The following VPS13C variants were observed in gnomAD, a reference collection of about 807,000 sequenced individuals.
The protein encoded by VPS13C is intermembrane lipid transfer protein VPS13C.
Under a neutral mutation model 456.8 loss-of-function variants are expected in VPS13C, and 358 were observed. The observed-to-expected ratio is 0.78, with a 90% CI of 0.72 to 0.86. The LOEUF (loss-of-function observed/expected upper bound fraction) is 0.86, where lower values mean the gene tolerates loss of function less well. Among genes scored for constraint, VPS13C ranks in the 40% least tolerant of loss-of-function variants. The pLI, the probability that VPS13C is intolerant of heterozygous loss-of-function variation, is 0.00. For missense variants in VPS13C, 4,818 were observed against 4,385.4 expected (o/e 1.10, Z -2.79); for synonymous variants, 1,578 against 1,486.7 (o/e 1.06, Z -1.41).
Position 62,039,468 on chromosome 15 carries a change from G to A in VPS13C, c.187+1856C>T, listed in dbSNP as rs564637626. On this transcript the variant is annotated intron_variant, in intron 3 of 84. Transcript: ENST00000644861. The stretch of plus-strand genomic sequence containing the variant: ...ATTGCCAGGACAAGTAAGAGATAAG[G>A]AATTAACAACCAGAATATATAAGGA... Among the ~76,000 whole-genome samples, 6 of 151,076 alleles carry A rather than the reference G, an allele frequency of 4.0e-5. No individual in the cohort carries two copies. The South Asian group carries it at 1.3e-3, about 32-fold the overall frequency.
At chr15:62,011,514 G>A (rs1047101787) in intron 12 of VPS13C, among the ~76,000 whole-genome samples, 2 of 151,866 alleles carry the variant, frequency 1.3e-5, no homozygotes, top group Admixed American at 6.6e-5. Flanking sequence ...ACGGAACAAC[G>A]TGAGTATGAA....
intron 38 of VPS13C, among the ~76,000 whole-genome samples, chr15:61,953,301 T>C (rs1004957036): frequency 2.0e-5 from 3 of 151,780 alleles, no homozygotes; most frequent in Non-Finnish European, 4.4e-5. Context: ...AGGTTAGTTA[T>C]ATATGTATAC....
In VPS13C at chr15:62,010,487, T is replaced by G; in HGVS notation, c.996A>C (p.Glu332Asp). 1 of 1,612,654 alleles carries G rather than the reference T, an allele frequency of 6.2e-7. No individual in the cohort carries two copies. Among genetic ancestry groups the G allele is most frequent in the Non-Finnish European group, 8.5e-7 (1 of 1,179,436 alleles). The change falls in exon 13 of 85, where the codon GAA becomes GAC. Residue 332 changes from glutamate to aspartate, a missense_variant. Glu to Asp is a conservative substitution (Grantham distance 45, BLOSUM62 2). Around this residue, in one of 3 missense-constraint regions of VPS13C, gnomAD observed 4,552 missense variants for 4,130.6 expected, o/e 1.10. Transcript: ENST00000644861. The stretch of plus-strand genomic sequence containing the variant: ...TGAATCATACCTGAGGTTTGGTCAG[T>G]TCAATGGCAATATTTTGTATTTCTA... ...CNIEIQNIAI[E>D]LTKPQYLSMI... is the part of the protein sequence containing the mutation.
intron 1 of VPS13C, among the ~76,000 whole-genome samples, chr15:62,059,090 ATTATAT>A: frequency 6.6e-6 from 1 of 152,362 alleles, no homozygotes; most frequent in South Asian, 2.1e-4. Context: ...ACACTTTAAT[ATTATAT>A]TTAATTTAAC....
intron 37 of VPS13C, among the ~76,000 whole-genome samples, chr15:61,956,645 A>G (rs966443614): frequency 6.6e-5 from 10 of 152,162 alleles, no homozygotes; most frequent in Admixed American, 6.6e-4. Context: ...TGTATGATAG[A>G]ATGGTTACAT....
chr15:62,008,616 A>G, intron 14 of VPS13C, 39 bp downstream of exon 14: 1 of 1,441,528 alleles, frequency 6.9e-7, no homozygotes, highest in African/African-American at 1.4e-5. Context: ...ATATATGATT[A>G]TATGTTCCTC....
intron 67 of VPS13C, among the ~76,000 whole-genome samples, chr15:61,888,936 G>A (rs1487668674): frequency 6.6e-6 from 1 of 152,090 alleles, no homozygotes; most frequent in African/African-American, 2.4e-5. Flanking sequence ...ACTACTGCAA[G>A]ATGTTAGTAA....
rs2043447841 is a variant in VPS13C, at chr15:61,915,651, GTTC to G, written c.8424_8426del (p.Lys2808del). 4.4e-6 allele frequency: 7 copies of G among 1,595,798 alleles called. No individual in the cohort carries two copies. Among genetic ancestry groups the G allele is most frequent in the Middle Eastern group, 1.7e-4 (1 of 5,780 alleles). On this transcript the variant is annotated inframe_deletion, in exon 61 of 85. Coordinates refer to ENST00000644861, the MANE Select transcript of VPS13C (RefSeq NM_020821.3). ...ACCACACCTTATTTTTAGTAAAAAT[GTTC>G]TTCTTCTTGAAAGAAAATAAAATAA...
chr15:61,925,573 C>T (rs377296403), intron 52 of VPS13C, 25 bp from the exon 53 acceptor site: 3 of 1,505,800 alleles, frequency 2.0e-6, no homozygotes, highest in Non-Finnish European at 9.0e-7. Flanking sequence ...ATGAAATTCA[C>T]ATTTCCATAG....
At chr15:61,927,450 A>T in intron 51 of VPS13C, 130 bp from the exon 52 acceptor site, 1 of 671,432 alleles carries the variant, frequency 1.5e-6, no homozygotes, top group Non-Finnish European at 2.5e-6. Context: ...TGACAATATT[A>T]ATTGGTTAAT....
chr15:61,881,556 C>T lies in VPS13C; in HGVS notation c.9776+7G>A, dbSNP rs1895850522. Reference sequence around the variant, plus strand: ...CTTTTAGAGAAACAGCAGGAATCTTCACTTACTTGAACTGTAAGACTTTAC... The same window carrying T: ...CTTTTAGAGAAACAGCAGGAATCTTTACTTACTTGAACTGTAAGACTTTAC... On this transcript the variant is annotated splice_region_variant and intron_variant, in intron 71 of 84. Coordinates refer to ENST00000644861, the MANE Select transcript of VPS13C (RefSeq NM_020821.3). The T allele has an allele frequency of 6.3e-7, 1 of 1,587,678 alleles. No individual in the cohort carries two copies. The highest frequency in any genetic ancestry group is 1.4e-5 in the African/African-American group (1 of 73,416).
Position 61,890,380 on chromosome 15 carries a change from T to G in VPS13C, c.9126A>C (p.Pro3042=), listed in dbSNP as rs560547754. The G allele has an allele frequency of 5.6e-6, 9 of 1,614,036 alleles. No homozygotes were observed. In the African/African-American group the frequency reaches 1.2e-4, roughly 22 times the overall value. Residue 3042 remains proline (P), a synonymous_variant, in exon 67 of 85, where the codon CCA becomes CCC. Transcript: ENST00000644861. ...DLLKDGCGQF[P]YDANIQIHWV... is the part of the protein sequence containing the mutation. ...AGTGTATCTGGATGTTTGCATCATA[T>G]GGAAACTGTCCACATCCATCCTGGG...
At chr15:62,004,385 A>G (rs2046753898) in intron 15 of VPS13C, among the ~76,000 whole-genome samples, 1 of 152,050 alleles carries the variant, frequency 6.6e-6, no homozygotes, top group Non-Finnish European at 1.5e-5. Context: ...ATCAATATTT[A>G]TTGCATCTAT....
At chr15:61,910,924 C>T (rs1375240762) in intron 63 of VPS13C, among the ~76,000 whole-genome samples, 1 of 151,798 alleles carries the variant, frequency 6.6e-6, no homozygotes, top group African/African-American at 2.4e-5. Flanking sequence ...ATAATCAAAC[C>T]CACACAAAGA....
chr15:61,929,441 GGTTT>G lies in VPS13C; in HGVS notation c.6286+56_6286+59del, dbSNP rs1433587598. The G allele has an allele frequency of 1.0e-5, 16 of 1,528,436 alleles. No homozygotes were observed. The Admixed American group carries it at 3.3e-4, about 32-fold the overall frequency. 94.7% of individuals were successfully genotyped at this position (1,528,436 alleles called of 1,614,324 possible). On this transcript the variant is annotated intron_variant, in intron 51 of 84. Coordinates refer to ENST00000644861, the MANE Select transcript of VPS13C (RefSeq NM_020821.3). ...TAAATTTTTCATTTCTCTTTTTTCT[GGTTT>G]GTAATTCTTGTCAAAATATACAAGT...
At chr15:61,930,103 T>A (rs1269407625) in intron 50 of VPS13C, among the ~76,000 whole-genome samples, 1 of 152,158 alleles carries the variant, frequency 6.6e-6, no homozygotes, top group Non-Finnish European at 1.5e-5. Flanking sequence ...ATCAGTGTAG[T>A]CACACAAAAT....
intron 13 of VPS13C, among the ~76,000 whole-genome samples, chr15:62,010,257 T>C (rs994810438): frequency 7.2e-5 from 11 of 152,130 alleles, no homozygotes; most frequent in Non-Finnish European, 1.6e-4. Flanking sequence ...TGCAGTTTGA[T>C]ATGATTCTCC....
rs753845168 is a variant in VPS13C, at chr15:61,922,692, C to A, written c.6680G>T (p.Gly2227Val). Reference protein sequence around the residue: ...AALSPKTKEDGSKDTSKEMEN... With the variant: ...AALSPKTKEDVSKDTSKEMEN... Reference sequence around the variant, plus strand: ...CATTTCCTTAGACGTATCTTTGGATCCATCTTCTTTTGTTTTTGGAGACAA... The same window carrying A: ...CATTTCCTTAGACGTATCTTTGGATACATCTTCTTTTGTTTTTGGAGACAA... The change falls in exon 54 of 85, where the codon GGA becomes GTA. Residue 2227 changes from glycine to valine, a missense_variant. By Grantham distance (109) the Gly-to-Val change is moderately radical. Transcript: ENST00000644861. The A allele has an allele frequency of 1.9e-6, 3 of 1,613,670 alleles. No homozygotes were observed. Among genetic ancestry groups the A allele is most frequent in the African/African-American group, 2.7e-5 (2 of 74,828 alleles).
At chr15:62,044,165 A>T (rs752077906) in intron 2 of VPS13C, 47 bp downstream of exon 2, 1 of 1,354,692 alleles carries the variant, frequency 7.4e-7, no homozygotes, top group Non-Finnish European at 1.0e-6. Context: ...GTTTCTAAGA[A>T]CTTACCAAAT....
Sources: allele counts gnomAD v4.1 joint callset (sites outside exome capture counted in the v4.1 genomes callset), GRCh38; gene constraint gnomAD v4.1.1; regional missense constraint gnomAD v4.1.1; transcripts MANE v1.5; gene names NCBI Gene and HGNC (gene_info 2026-07-23, HGNC 2026-07-21).